The following LRRC7 variants were observed in gnomAD, a reference collection of about 807,000 sequenced individuals.
LRRC7 encodes the protein leucine-rich repeat-containing protein 7.
LRRC7 carries 23 observed loss-of-function variants against 175.7 expected under a neutral mutation model. That is an observed-to-expected ratio of 0.13 (90% CI 0.09 to 0.19). The LOEUF (loss-of-function observed/expected upper bound fraction) is 0.19. LRRC7 is among the 10% of genes least tolerant of loss of function. The pLI, the probability that LRRC7 is intolerant of heterozygous loss-of-function variation, is 1.00. For missense variants in LRRC7, 1,354 were observed against 1,904.7 expected (o/e 0.71, Z 5.38); for synonymous variants, 685 against 680.9 (o/e 1.01, Z -0.09).
intron 7 of LRRC7, among the ~76,000 whole-genome samples, chr1:69,886,068 T>G (rs1393541502): frequency 6.7e-6 from 1 of 150,088 alleles, no homozygotes; most frequent in Non-Finnish European, 1.5e-5. Context: ...AGGTGTGGTG[T>G]GGTGCTGAAA....
chr1:69,589,115 G>GGT (rs55678803), intron 1 of LRRC7, among the ~76,000 whole-genome samples: 3,572 of 142,400 alleles, frequency 0.025, 86 homozygotes, highest in African/African-American at 0.064. Flanking sequence ...TCATAAAAAG[G>GGT]GTGTGTGTGT....
chr1:70,082,783 T>C (rs28580473), intron 24 of LRRC7, among the ~76,000 whole-genome samples: 2,045 of 9,064 alleles, frequency 0.23, 316 homozygotes, highest in African/African-American at 0.41. Context: ...ACCAGTACAT[T>C]TTTTTTTTTT....
chr1:70,087,583 T>G (rs746143251), intron 24 of LRRC7, among the ~76,000 whole-genome samples: 4 of 152,156 alleles, frequency 2.6e-5, no homozygotes, highest in Admixed American at 1.3e-4. Context: ...AAGTTTATAT[T>G]CATAAACTAG....
At chr1:69,725,923 CT>C (rs1193091796) in intron 2 of LRRC7, among the ~76,000 whole-genome samples, 2 of 152,330 alleles carry the variant, frequency 1.3e-5, no homozygotes, top group Non-Finnish European at 2.9e-5. Context: ...TCTAAATAAT[CT>C]GTGCTGAACA....
intron 7 of LRRC7, among the ~76,000 whole-genome samples, chr1:69,877,465 G>A (rs907125247): frequency 4.6e-5 from 7 of 152,054 alleles, no homozygotes; most frequent in Non-Finnish European, 8.8e-5. Context: ...AAGCTACTTA[G>A]ACAATTCTTT....
At chr1:69,689,539 T>A (rs983132115) in intron 2 of LRRC7, among the ~76,000 whole-genome samples, 1 of 152,194 alleles carries the variant, frequency 6.6e-6, no homozygotes, top group Non-Finnish European at 1.5e-5. Context: ...TGCTGCAATA[T>A]CAGAGACACC....
chr1:69,986,498 A>G, intron 10 of LRRC7, 112 bp downstream of exon 10: 1 of 767,762 alleles, frequency 1.3e-6, no homozygotes, highest in Non-Finnish European at 1.9e-6. Flanking sequence ...TGATGTTAAT[A>G]AATTTTAAAA....
At chr1:69,750,195 G>A (rs1669710105) in intron 2 of LRRC7, among the ~76,000 whole-genome samples, 1 of 151,976 alleles carries the variant, frequency 6.6e-6, no homozygotes, top group Non-Finnish European at 1.5e-5. Context: ...TACTAATGAG[G>A]AAAGGTTGGT....
At chr1:69,947,149 A>AAATC (rs1287273496) in intron 8 of LRRC7, among the ~76,000 whole-genome samples, 318 of 150,620 alleles carry the variant, frequency 2.1e-3, no homozygotes, top group Non-Finnish European at 3.1e-3. Context: ...ATAAATAAAT[A>AAATC]AATCTAAAGT....
chr1:70,088,578 T>TA (rs1167196362), intron 24 of LRRC7, among the ~76,000 whole-genome samples: 3 of 152,014 alleles, frequency 2.0e-5, no homozygotes, highest in Non-Finnish European at 4.4e-5. Context: ...AAGTAAATAA[T>TA]AAAAAATAAA....
At chr1:69,613,412 T>C (rs1017114458) in intron 1 of LRRC7, among the ~76,000 whole-genome samples, 4 of 151,868 alleles carry the variant, frequency 2.6e-5, no homozygotes, top group African/African-American at 9.7e-5. Context: ...ACATTGGGGG[T>C]GAGGATTTCA....
chr1:69,831,785 A>G (rs1390735102), intron 5 of LRRC7, among the ~76,000 whole-genome samples: 1 of 152,146 alleles, frequency 6.6e-6, no homozygotes, highest in African/African-American at 2.4e-5. Flanking sequence ...TCAGAATAAT[A>G]TACAGTAAGT....
intron 1 of LRRC7, among the ~76,000 whole-genome samples, chr1:69,641,595 A>G (rs1654218443): frequency 6.6e-6 from 1 of 151,712 alleles, no homozygotes; most frequent in Admixed American, 6.6e-5. Context: ...GAAGCATTAT[A>G]GCTAGCATTA....
intron 2 of LRRC7, among the ~76,000 whole-genome samples, chr1:69,705,964 T>A (rs1663984068): frequency 6.6e-6 from 1 of 152,126 alleles, no homozygotes; most frequent in African/African-American, 2.4e-5. Flanking sequence ...AAAAAATAAA[T>A]GGTCATATCA....
intron 7 of LRRC7, among the ~76,000 whole-genome samples, chr1:69,856,574 A>G (rs1557816374): frequency 1.3e-5 from 2 of 152,170 alleles, no homozygotes; most frequent in Admixed American, 1.3e-4. Flanking sequence ...AAGAAATTGA[A>G]TCCCTGAATA....
intron 2 of LRRC7, among the ~76,000 whole-genome samples, chr1:69,696,029 G>A (rs1416253872): frequency 6.6e-6 from 1 of 152,214 alleles, no homozygotes; most frequent in Non-Finnish European, 1.5e-5. Flanking sequence ...TAGTGGAGCT[G>A]CGGGAATTGG....
chr1:69,732,197 T>A (rs75189429), intron 2 of LRRC7, among the ~76,000 whole-genome samples: 1,660 of 152,180 alleles, frequency 0.011, 41 homozygotes, highest in African/African-American at 0.038. Context: ...TAAAAATGTC[T>A]GGAAGATAAC....
intron 24 of LRRC7, among the ~76,000 whole-genome samples, chr1:70,087,626 G>A (rs112939085): frequency 4.6e-5 from 7 of 152,144 alleles, no homozygotes; most frequent in African/African-American, 1.7e-4. Context: ...ATTATAAACT[G>A]TAAATTCTAC....
chr1:70,117,430 A>G (rs1251486518), intron 26 of LRRC7, among the ~76,000 whole-genome samples: 2 of 152,206 alleles, frequency 1.3e-5, no homozygotes, highest in Admixed American at 6.5e-5. Flanking sequence ...AGTGTGTTTT[A>G]TGATAGATTG....
Sources: allele counts gnomAD v4.1 joint callset (sites outside exome capture counted in the v4.1 genomes callset), GRCh38; gene constraint gnomAD v4.1.1; transcripts MANE v1.5; gene names NCBI Gene and HGNC (gene_info 2026-07-23, HGNC 2026-07-21).